NDUFC1: variants seen among roughly 807,000 people sequenced by gnomAD.
The protein encoded by NDUFC1 is NADH:ubiquinone oxidoreductase subunit C1.
A neutral mutation model predicts 11.6 loss-of-function variants in NDUFC1; 11 were observed. The ratio of observed to expected loss-of-function variants is 0.95; its 90% CI spans 0.60 to 1.58. The LOEUF (loss-of-function observed/expected upper bound fraction) is 1.58, where lower values mean the gene tolerates loss of function less well. NDUFC1 is among the 40% of genes most tolerant of loss of function. The probability of loss-of-function intolerance (pLI) is 0.00; values close to 1 mark genes in which losing one functional copy is unlikely to be tolerated. For missense variants in NDUFC1, 112 were observed against 93.0 expected (o/e 1.20, Z -0.84); for synonymous variants, 52 against 42.2 (o/e 1.23, Z -0.90).
chr4:139,300,811 G>A (rs371264119), intron 1 of NDUFC1: 1 of 152,136 alleles, frequency 6.6e-6, no homozygotes, highest in African/African-American at 2.4e-5. Context: ...GACTCATAAG[G>A]TCGGTCCGTC....
At chr4:139,301,981 C>T (rs532702914) in intron 1 of NDUFC1, 5 of 820,196 alleles carry the variant, frequency 6.1e-6, no homozygotes, top group African/African-American at 1.8e-5. Context: ...TGCTTTGCTC[C>T]CTCTCTGTGG....
At position 139,295,767 on chromosome 4, in the gene NDUFC1, G is replaced by T. The variant is rs1263206234; in HGVS notation, c.32C>A (p.Ser11Tyr). 8 of 1,552,620 alleles carry T rather than the reference G, an allele frequency of 5.2e-6. No homozygotes were observed. Among genetic ancestry groups the T allele is most frequent in the Non-Finnish European group, 6.1e-6 (7 of 1,150,186 alleles). ...GAGCCTGGCGGGGGCCAGCAGCCGGGAAAGGGGACGCAGCAAGGCGGACGG... is the reference window on the plus strand; with the variant it reads ...GAGCCTGGCGGGGGCCAGCAGCCGGTAAAGGGGACGCAGCAAGGCGGACGG... The part of the protein sequence containing the change: MAPSALLRPL[S>Y]RLLAPARLPS... Residue 11 changes from serine (S) to tyrosine (Y), a missense_variant, in exon 3 of 6, where the codon TCC becomes TAC. Physicochemically the swap from Ser to Tyr is moderately radical, Grantham distance 144. Transcript: ENST00000394223.
chr4:139,292,607 G>A lies in NDUFC1; in HGVS notation c.174C>T (p.Leu58=). 6.5e-7 allele frequency: 1 copy of A among 1,541,144 alleles called. No individual in the cohort carries two copies. The highest frequency in any genetic ancestry group is 8.9e-7 in the Non-Finnish European group (1 of 1,125,820). ...AAATATCTTCATTGTGTTGTTTGATGAGCTACAAAGAGTTAAACAGTTAAA... is the reference window on the plus strand; with the variant it reads ...AAATATCTTCATTGTGTTGTTTGATAAGCTACAAAGAGTTAAACAGTTAAA... The part of the protein sequence containing the change: ...LGTTVFLWIY[L]IKQHNEDILE... The change falls in exon 5 of 6, where the codon CTC becomes CTT. Residue 58 remains leucine, a splice_region_variant and synonymous_variant. Coordinates refer to ENST00000394223, the MANE Select transcript of NDUFC1 (RefSeq NM_001184989.2).
At chr4:139,298,677 CT>C (rs35024958) in intron 1 of NDUFC1, among the ~76,000 whole-genome samples, 317 of 144,060 alleles carry the variant, frequency 2.2e-3, no homozygotes, top group Admixed American at 2.4e-3. Context: ...CTTTTATATT[CT>C]TTTTTTTTTT....
At chr4:139,291,715 T>C (rs1745225657) in intron 5 of NDUFC1, among the ~76,000 whole-genome samples, 1 of 152,208 alleles carries the variant, frequency 6.6e-6, no homozygotes, top group Non-Finnish European at 1.5e-5. Flanking sequence ...CACACTCAAG[T>C]GTACAAGATA....
intron 4 of NDUFC1, among the ~76,000 whole-genome samples, chr4:139,293,930 A>ATTTTTTTTTTTTTT (rs775805536): frequency 5.7e-5 from 4 of 69,746 alleles, no homozygotes; most frequent in African/African-American, 2.5e-4. Context: ...TGTGGTGTGA[A>ATTTTTTTTTTTTTT]TTTTTTTTTT....
chr4:139,301,388 A>T (rs919770573), intron 1 of NDUFC1: 21 of 420,522 alleles, frequency 5.0e-5, no homozygotes, highest in Non-Finnish European at 8.8e-5. Flanking sequence ...CAGGCAGGCC[A>T]GCCTCCAGGT....
At chr4:139,301,636 A>G (rs1300437544) in intron 1 of NDUFC1, 2 of 902,558 alleles carry the variant, frequency 2.2e-6, no homozygotes, top group African/African-American at 1.7e-5. Flanking sequence ...GGGTAGGGCA[A>G]CGCGGCGACA....
intron 1 of NDUFC1, chr4:139,300,572 T>C (rs901385213): frequency 1.8e-4 from 28 of 152,220 alleles, no homozygotes; most frequent in African/African-American, 6.0e-4. Context: ...TGAAAAAGTT[T>C]TACGGTCAGC....
chr4:139,302,161 A>G (rs956893628), intron 1 of NDUFC1: 3 of 293,786 alleles, frequency 1.0e-5, no homozygotes, highest in Non-Finnish European at 1.3e-5. Context: ...AGTGGGCGAC[A>G]CCGGCAGGAG....
At chr4:139,301,699 C>T in intron 1 of NDUFC1, 1 of 1,493,132 alleles carries the variant, frequency 6.7e-7, no homozygotes. Context: ...GAAGCAGCTA[C>T]GGAACGGCAG....
chr4:139,295,892 C>A lies in NDUFC1; in HGVS notation c.-94G>T. On this transcript the variant is annotated 5_prime_UTR_variant, in exon 3 of 6. Transcript: ENST00000394223. Reference sequence around the variant, plus strand: ...GGGACTCGAGGGCTCTGCAGCAGAGCTCCGTGGGGGCGTCAACGTGAATTC... The same window carrying A: ...GGGACTCGAGGGCTCTGCAGCAGAGATCCGTGGGGGCGTCAACGTGAATTC... 1 of 1,299,532 alleles carries A rather than the reference C, an allele frequency of 7.7e-7. No individual in the cohort carries two copies. The highest frequency in any genetic ancestry group is 1.1e-6 in the Non-Finnish European group (1 of 947,704). The allele number at this position is 1,299,532 out of a possible 1,614,324, so 80.5% of individuals were successfully genotyped here. A position where few individuals can be genotyped will look rare whatever the true frequency, so the allele number is the denominator to read the frequency against.
At chr4:139,292,849 G>A (rs1041810576) in intron 4 of NDUFC1, among the ~76,000 whole-genome samples, 9 of 151,644 alleles carry the variant, frequency 5.9e-5, no homozygotes, top group Non-Finnish European at 1.0e-4. Context: ...TAGAGACGGA[G>A]TTTTGCTCCA....
chr4:139,292,683 T>C (rs374402841), intron 4 of NDUFC1, 74 bp from the exon 5 acceptor site: 16 of 955,346 alleles, frequency 1.7e-5, no homozygotes, highest in African/African-American at 1.2e-4. Flanking sequence ...GGAATAAGGA[T>C]AGAAAAAATA....
At chr4:139,291,302 C>T (rs1454103513) in intron 5 of NDUFC1, among the ~76,000 whole-genome samples, 3 of 151,864 alleles carry the variant, frequency 2.0e-5, no homozygotes, top group African/African-American at 7.3e-5. Flanking sequence ...TCTGGCCAGG[C>T]GCAGTGGCTC....
chr4:139,291,429 G>C (rs868335371), intron 5 of NDUFC1, among the ~76,000 whole-genome samples: 3 of 151,966 alleles, frequency 2.0e-5, no homozygotes, highest in Admixed American at 6.6e-5. Context: ...ACAAAAATTA[G>C]CTGGGCGTGG....
intron 5 of NDUFC1, among the ~76,000 whole-genome samples, chr4:139,291,000 T>C (rs1745187534): frequency 6.6e-6 from 1 of 151,396 alleles, no homozygotes; most frequent in African/African-American, 2.4e-5. Context: ...TTAGTACTGA[T>C]GGGGTTTCGC....
At position 139,298,069 on chromosome 4, in the gene NDUFC1, AAAAAC is replaced by A. The variant is rs555808586; in HGVS notation, c.-221-631_-221-627del. On this transcript the variant is annotated intron_variant, in intron 1 of 5. Transcript: ENST00000394223. ...CGGTGACACAGTGAGACCCTGTCACAAAAACAAAACAAAAGAAAAAAACCAACAAC... is the reference window on the plus strand; with the variant it reads ...CGGTGACACAGTGAGACCCTGTCACAAAAACAAAAGAAAAAAACCAACAAC... Among the ~76,000 whole-genome samples, 100 of 147,174 alleles carry A rather than the reference AAAAAC, an allele frequency of 6.8e-4. No individual in the cohort carries two copies. The South Asian group carries it at 0.021, about 30-fold the overall frequency.
intron 1 of NDUFC1, chr4:139,302,048 T>C (rs933793985): frequency 4.5e-6 from 2 of 440,820 alleles, no homozygotes; most frequent in Admixed American, 4.3e-5. Flanking sequence ...ATCCCCACGC[T>C]TGAGGCCCTG....
Sources: allele counts gnomAD v4.1 joint callset (sites outside exome capture counted in the v4.1 genomes callset), GRCh38; gene constraint gnomAD v4.1.1; transcripts MANE v1.5; gene names NCBI Gene and HGNC (gene_info 2026-07-23, HGNC 2026-07-21).